CORIN: variants seen among roughly 807,000 people sequenced by gnomAD.
CORIN encodes the protein atrial natriuretic peptide-converting enzyme.
In CORIN, 117 loss-of-function variants were observed where a neutral mutation model predicts 125.3. That is an observed-to-expected ratio of 0.93 (90% CI 0.80 to 1.09). CORIN has a LOEUF of 1.09. Among genes scored for constraint, CORIN ranks in the 50% least tolerant of loss-of-function variants. CORIN has a pLI of 0.00. For missense variants in CORIN, 1,253 were observed against 1,306.7 expected (o/e 0.96, Z 0.63); for synonymous variants, 450 against 466.4 (o/e 0.96, Z 0.45).
rs755027760 is a variant in CORIN at position 47,807,022 on chromosome 4, A to G, written c.89T>C (p.Met30Thr). 3.8e-5 allele frequency: 61 copies of G among 1,613,330 alleles called. No individual in the cohort carries two copies. Among genetic ancestry groups the G allele is most frequent in the Non-Finnish European group, 5.0e-5 (59 of 1,179,856 alleles). ...CAGCTTCTGAGAGCAGCCATTGCCC[A>G]TGTTATTGTCATCAGCTCTCAAGAC... ...KPVLRADDNN[M>T]GNGCSQKLAT... Residue 30 changes from methionine to threonine, a missense_variant, in exon 2 of 22, where the codon ATG (methionine) becomes ACG (threonine). Physicochemically the swap from Met to Thr is moderately conservative, Grantham distance 81. Coordinates refer to ENST00000273857, the MANE Select transcript of CORIN (RefSeq NM_006587.4).
At chr4:47,701,996 T>C (rs2109759925) in intron 5 of CORIN, among the ~76,000 whole-genome samples, 1 of 152,330 alleles carries the variant, frequency 6.6e-6, no homozygotes, top group Non-Finnish European at 1.5e-5. Flanking sequence ...TTTTGCTTAT[T>C]ATCTATCTGC....
intron 11 of CORIN, among the ~76,000 whole-genome samples, chr4:47,663,309 G>C (rs984840455): frequency 6.6e-6 from 1 of 152,064 alleles, no homozygotes; most frequent in East Asian, 1.9e-4. Flanking sequence ...CTCGATGTTA[G>C]ATTTTTCAGT....
rs530783159 is a variant in CORIN, at chr4:47,597,004, A to G, written c.2947-1101T>C. 1.2e-4 allele frequency among the ~76,000 whole-genome samples: 18 copies of G among 152,332 alleles called. No homozygotes were observed. In the South Asian group the frequency reaches 3.5e-3, roughly 30 times the overall value. On this transcript the variant is annotated intron_variant, in intron 21 of 21. Transcript: ENST00000273857. The stretch of plus-strand genomic sequence containing the variant: ...AGTCTGGTAACAGGATTCCAACTCT[A>G]TAACTACTAGGCTACCCTGCTTCTT...
chr4:47,680,043 G>T (rs1725196071), intron 8 of CORIN, 98 bp downstream of exon 8: 2 of 713,850 alleles, frequency 2.8e-6, no homozygotes, highest in Non-Finnish European at 4.9e-6. Flanking sequence ...GGAATGCTGT[G>T]TATATAGTGA....
chr4:47,615,135 G>A (rs1376365326), intron 19 of CORIN, among the ~76,000 whole-genome samples: 2 of 152,188 alleles, frequency 1.3e-5, no homozygotes, highest in Non-Finnish European at 2.9e-5. Flanking sequence ...GAGCTTGGAG[G>A]ATTTCAGGAG....
At chr4:47,787,940 A>G (rs151175693) in intron 2 of CORIN, among the ~76,000 whole-genome samples, 2 of 152,354 alleles carry the variant, frequency 1.3e-5, no homozygotes, top group African/African-American at 4.8e-5. Context: ...CACTTTCTCA[A>G]GGTATCCATT....
intron 3 of CORIN, among the ~76,000 whole-genome samples, chr4:47,772,940 C>A (rs1211656789): frequency 2.0e-5 from 3 of 151,940 alleles, no homozygotes; most frequent in Non-Finnish European, 4.4e-5. Flanking sequence ...AATAATTATT[C>A]ATTTATATAG....
chr4:47,674,800 C>A (rs1467633550), intron 9 of CORIN, among the ~76,000 whole-genome samples: 1 of 152,016 alleles, frequency 6.6e-6, no homozygotes, highest in Non-Finnish European at 1.5e-5. Flanking sequence ...TACATGGGTG[C>A]CAACACTTGA....
intron 6 of CORIN, among the ~76,000 whole-genome samples, chr4:47,684,944 G>C (rs1352399982): frequency 6.6e-6 from 1 of 151,934 alleles, no homozygotes; most frequent in African/African-American, 2.4e-5. Flanking sequence ...AAAAAAATAA[G>C]CTAAGGCAAA....
chr4:47,819,606 G>A (rs1354916998), intron 1 of CORIN, among the ~76,000 whole-genome samples: 1 of 152,090 alleles, frequency 6.6e-6, no homozygotes, highest in Non-Finnish European at 1.5e-5. Context: ...GGGAATCAGA[G>A]TCTCCCAAAA....
chr4:47,777,123 T>C (rs1319613180), intron 3 of CORIN, among the ~76,000 whole-genome samples: 1 of 152,212 alleles, frequency 6.6e-6, no homozygotes, highest in Admixed American at 6.5e-5. Flanking sequence ...GGGACAGGAC[T>C]TCTGTCTTAT....
intron 5 of CORIN, among the ~76,000 whole-genome samples, chr4:47,735,572 C>A (rs568464588): frequency 6.6e-6 from 1 of 152,128 alleles, no homozygotes; most frequent in African/African-American, 2.4e-5. Flanking sequence ...TTTGCAATAT[C>A]CTCTGATATT....
At chr4:47,610,183 A>G (rs1409668850) in intron 19 of CORIN, among the ~76,000 whole-genome samples, 1 of 152,198 alleles carries the variant, frequency 6.6e-6, no homozygotes, top group Non-Finnish European at 1.5e-5. Context: ...TTGCCACACT[A>G]TCTTCCACAA....
At chr4:47,623,255 G>C (rs1293612941) in intron 19 of CORIN, among the ~76,000 whole-genome samples, 1 of 151,936 alleles carries the variant, frequency 6.6e-6, no homozygotes, top group African/African-American at 2.4e-5. Flanking sequence ...TTCTGTTTAA[G>C]TTATTATATA....
intron 4 of CORIN, among the ~76,000 whole-genome samples, chr4:47,763,121 A>G (rs1049899690): frequency 6.6e-6 from 1 of 152,146 alleles, no homozygotes; most frequent in Admixed American, 6.5e-5. Flanking sequence ...TGTCTGTCTT[A>G]TGCTGGATCC....
At chr4:47,764,089 T>C (rs1729596333) in intron 3 of CORIN, among the ~76,000 whole-genome samples, 1 of 152,198 alleles carries the variant, frequency 6.6e-6, no homozygotes. Context: ...TTCTTTAGAA[T>C]ATGGAACAAA....
intron 10 of CORIN, among the ~76,000 whole-genome samples, chr4:47,667,126 A>C (rs1276277897): frequency 6.6e-6 from 1 of 152,204 alleles, no homozygotes; most frequent in Non-Finnish European, 1.5e-5. Flanking sequence ...TGATTTTATA[A>C]GGGGTTTCAC....
chr4:47,792,969 T>C (rs541674508), intron 2 of CORIN, among the ~76,000 whole-genome samples: 1 of 152,246 alleles, frequency 6.6e-6, no homozygotes. Flanking sequence ...TGACAGAGTC[T>C]AGCCAATCTT....
chr4:47,695,454 C>A (rs1039447658), intron 5 of CORIN, among the ~76,000 whole-genome samples: 5 of 152,202 alleles, frequency 3.3e-5, no homozygotes, highest in African/African-American at 9.7e-5. Flanking sequence ...TAAGACCCTA[C>A]ATATTTGACT....
Sources: allele counts gnomAD v4.1 joint callset (sites outside exome capture counted in the v4.1 genomes callset), GRCh38; gene constraint gnomAD v4.1.1; transcripts MANE v1.5; gene names NCBI Gene and HGNC (gene_info 2026-07-23, HGNC 2026-07-21).